The following PLAA variants were observed in gnomAD, a reference collection of about 807,000 sequenced individuals.
PLAA encodes the protein phospholipase A-2-activating protein.
A neutral mutation model predicts 84.1 loss-of-function variants in PLAA; 48 were observed. That is an observed-to-expected ratio of 0.57 (90% CI 0.45 to 0.73). The LOEUF is 0.73. Among genes scored for constraint, PLAA ranks in the 30% least tolerant of loss-of-function variants. The pLI, the probability that PLAA is intolerant of heterozygous loss-of-function variation, is 0.00. For synonymous variants in PLAA, 392 were observed against 336.6 expected (o/e 1.16, Z -1.80); for missense variants, 903 against 954.7 (o/e 0.95, Z 0.71).
chr9:26,919,576 C>T (rs754862580), intron 8 of PLAA, 47 bp from the exon 9 acceptor site: 12 of 996,312 alleles, frequency 1.2e-5, no homozygotes, highest in African/African-American at 4.8e-5. Flanking sequence ...TATCTGTTCA[C>T]ATATATTAAT....
At chr9:26,926,104 C>T (rs1824948945) in intron 5 of PLAA, 144 bp from the exon 6 acceptor site, 3 of 675,454 alleles carry the variant, frequency 4.4e-6, no homozygotes, top group Non-Finnish European at 7.4e-6. Flanking sequence ...TCACTTACAA[C>T]ATATACAACT....
Position 26,920,292 on chromosome 9 carries a change from C to G in PLAA, c.1132G>C (p.Gly378Arg), listed in dbSNP as rs765130441. The G allele has an allele frequency of 1.2e-6, 2 of 1,613,734 alleles. No individual in the cohort carries two copies. Among genetic ancestry groups the G allele is most frequent in the Non-Finnish European group, 1.7e-6 (2 of 1,179,830 alleles). The change falls in exon 8 of 14, where the codon GGT (glycine) becomes CGT (arginine). Residue 378 changes from glycine to arginine, a missense_variant. Gly to Arg is a moderately radical substitution (Grantham distance 125). Coordinates refer to ENST00000397292, the MANE Select transcript of PLAA (RefSeq NM_001031689.3). ...GCACCAGATGAGCCAACAACATCACCAATTTTTATCCACCTCCCTTCACTA... is the reference window on the plus strand; with the variant it reads ...GCACCAGATGAGCCAACAACATCACGAATTTTTATCCACCTCCCTTCACTA... Reference protein sequence around the residue: ...SVSEGRWIKIGDVVGSSGANQ... With the variant: ...SVSEGRWIKIRDVVGSSGANQ...
At position 26,931,369 on chromosome 9, in the gene PLAA, A is replaced by G. The variant is rs138141139; in HGVS notation, c.344-2961T>C. 1.5e-3 allele frequency among the ~76,000 whole-genome samples: 222 copies of G among 152,332 alleles called. 3 individuals carry two copies. Among genetic ancestry groups the G allele is most frequent in the Admixed American group, 0.01 (154 of 15,290 alleles). On this transcript the variant is annotated intron_variant, in intron 2 of 13. Transcript: ENST00000397292. The stretch of plus-strand genomic sequence containing the variant: ...GTACAATCATTTTGTAAACCTTAAT[A>G]AAATATTGAATCTAGGCAATGATTA...
At position 26,923,235 on chromosome 9, in the gene PLAA, C is replaced by T. The variant is rs374536712; in HGVS notation, c.982G>A (p.Asp328Asn). 1.9e-5 allele frequency: 31 copies of T among 1,613,368 alleles called. No homozygotes were observed. The highest frequency in any genetic ancestry group is 2.5e-5 in the Non-Finnish European group (30 of 1,179,568). ...TGCTCAGCATTGATGTCCCCTAAAT[C>T]GCCAGTTTTAGAATCAATGGTTGCG... ...SHATIDSKTG[D>N]LGDINAEQLP... The change falls in exon 7 of 14, where the codon GAT (aspartate) becomes AAT (asparagine). Residue 328 changes from aspartate to asparagine, a missense_variant. Coordinates refer to ENST00000397292, the MANE Select transcript of PLAA (RefSeq NM_001031689.3).
chr9:26,942,716 A>C (rs1418545255), intron 1 of PLAA, among the ~76,000 whole-genome samples: 3 of 152,112 alleles, frequency 2.0e-5, no homozygotes, highest in Non-Finnish European at 4.4e-5. Flanking sequence ...CCCCGTCTCT[A>C]CTAAAAATAC....
At chr9:26,940,369 C>T (rs989331094) in intron 1 of PLAA, among the ~76,000 whole-genome samples, 7 of 152,206 alleles carry the variant, frequency 4.6e-5, no homozygotes, top group African/African-American at 1.7e-4. Context: ...ACCTTGAGGA[C>T]ATTGTGCTAA....
intron 1 of PLAA, among the ~76,000 whole-genome samples, chr9:26,941,672 T>C (rs1156691161): frequency 6.6e-6 from 1 of 152,086 alleles, no homozygotes; most frequent in East Asian, 1.9e-4. Flanking sequence ...ATTGTCATTA[T>C]CATCCTTAGA....
intron 10 of PLAA, among the ~76,000 whole-genome samples, chr9:26,915,038 C>T (rs145475285): frequency 0.013 from 1,931 of 152,124 alleles, 39 homozygotes; most frequent in African/African-American, 0.045. Context: ...CATGGATAAA[C>T]CCTGTCTCTA....
intron 2 of PLAA, among the ~76,000 whole-genome samples, chr9:26,933,387 T>C (rs1350048791): frequency 6.7e-6 from 1 of 150,348 alleles, no homozygotes; most frequent in Non-Finnish European, 1.5e-5. Flanking sequence ...GAGGCTATAG[T>C]GAGCCGAGAT....
At chr9:26,935,693 G>A (rs1033108152) in intron 1 of PLAA, among the ~76,000 whole-genome samples, 29 of 151,950 alleles carry the variant, frequency 1.9e-4, no homozygotes, top group African/African-American at 7.0e-4. Flanking sequence ...GCTAGAACAG[G>A]GGTGTCAAAT....
At chr9:26,906,423 C>CTTTTTT (rs35324777) in intron 13 of PLAA, among the ~76,000 whole-genome samples, 4 of 95,088 alleles carry the variant, frequency 4.2e-5, no homozygotes, top group African/African-American at 8.1e-5. Flanking sequence ...AGGGAAAGTT[C>CTTTTTT]TTTTTTTTTT....
rs77291494 is a variant in PLAA, at chr9:26,914,548, A to G, written c.1487-601T>C. Among the ~76,000 whole-genome samples the G allele has an allele frequency of 7.3e-5, 11 of 151,394 alleles. No homozygotes were observed. The East Asian group carries it at 2.0e-3, about 27-fold the overall frequency. On this transcript the variant is annotated intron_variant, in intron 10 of 13. Transcript: ENST00000397292. Reference sequence around the variant, plus strand: ...TTGTTACAACCGGCGCAAAACATACAGAAATGCCAAAGAAAATTAAAAAAG... The same window carrying G: ...TTGTTACAACCGGCGCAAAACATACGGAAATGCCAAAGAAAATTAAAAAAG...
intron 12 of PLAA, among the ~76,000 whole-genome samples, chr9:26,908,259 C>A (rs975203760): frequency 1.3e-5 from 2 of 151,264 alleles, no homozygotes; most frequent in Non-Finnish European, 2.9e-5. Context: ...GCTCGCCCCC[C>A]AGGTTCAAGC....
In PLAA at chr9:26,920,337, C is replaced by T. The variant is rs760173766; in HGVS notation, c.1087G>A (p.Glu363Lys). ...TCACTAACACTCCACTGATAGGCTT[C>T]GACTTTCTCCCCATCTCTGATTAGA... ...TRLIRDGEKVEAYQWSVSEGR... is the reference protein window; with the variant it reads ...TRLIRDGEKVKAYQWSVSEGR... The change falls in exon 8 of 14, where the codon GAA becomes AAA. Residue 363 changes from glutamate (E) to lysine (K), a missense_variant. Transcript: ENST00000397292. 1.7e-5 allele frequency: 28 copies of T among 1,613,294 alleles called. No homozygotes were observed. Among genetic ancestry groups the T allele is most frequent in the Non-Finnish European group, 2.4e-5 (28 of 1,179,446 alleles).
intron 1 of PLAA, among the ~76,000 whole-genome samples, chr9:26,946,421 C>G (rs562179783): frequency 1.3e-5 from 2 of 151,666 alleles, no homozygotes; most frequent in South Asian, 4.2e-4. Flanking sequence ...AAAATTCTAA[C>G]CTGGACGAAA....
chr9:26,919,054 A>G, intron 9 of PLAA: 1 of 343,832 alleles, frequency 2.9e-6, no homozygotes, highest in South Asian at 1.0e-4. Flanking sequence ...AGAACTTACA[A>G]GTTTATTTTT....
intron 10 of PLAA, chr9:26,916,421 C>T (rs1824561546): frequency 4.1e-6 from 4 of 986,974 alleles, no homozygotes; most frequent in Non-Finnish European, 4.8e-6. Context: ...AGTGTTGATG[C>T]TGAGGCATGC....
intron 4 of PLAA, among the ~76,000 whole-genome samples, chr9:26,927,506 G>A (rs1825014360): frequency 6.6e-6 from 1 of 151,968 alleles, no homozygotes; most frequent in African/African-American, 2.4e-5. Context: ...ATTCAAAAAG[G>A]AAAAACAACA....
chr9:26,940,817 G>C (rs1050191596), intron 1 of PLAA, among the ~76,000 whole-genome samples: 4 of 152,204 alleles, frequency 2.6e-5, no homozygotes, highest in Non-Finnish European at 5.9e-5. Flanking sequence ...ATACCTGGTA[G>C]TAACCAATTT....
Sources: allele counts gnomAD v4.1 joint callset (sites outside exome capture counted in the v4.1 genomes callset), GRCh38; gene constraint gnomAD v4.1.1; transcripts MANE v1.5; gene names NCBI Gene and HGNC (gene_info 2026-07-23, HGNC 2026-07-21).